Variants in DLG2 observed in about 807,000 individuals in gnomAD.
DLG2 encodes the protein disks large homolog 2.
In DLG2, 45 loss-of-function variants were observed where a neutral mutation model predicts 132.5. The observed-to-expected ratio is 0.34, with a 90% CI of 0.27 to 0.44. The LOEUF (loss-of-function observed/expected upper bound fraction) is 0.44, where lower values mean the gene tolerates loss of function less well. DLG2 is among the 20% of genes least tolerant of loss of function. DLG2 has a pLI of 1.00. For missense variants in DLG2, 1,045 were observed against 1,196.9 expected (o/e 0.87, Z 1.87); for synonymous variants, 424 against 419.6 (o/e 1.01, Z -0.13).
chr11:84,311,196 C>A (rs2098282783), intron 7 of DLG2, among the ~76,000 whole-genome samples: 2 of 152,020 alleles, frequency 1.3e-5, no homozygotes, highest in African/African-American at 4.8e-5. Context: ...AGGAAGACAT[C>A]AAAAAATTCA....
rs533516520 is a variant in DLG2 at position 83,914,828 on chromosome 11, T to C, written c.1496+15500A>G. Among the ~76,000 whole-genome samples, 119 of 152,226 alleles carry C rather than the reference T, an allele frequency of 7.8e-4. 1 individual carries two copies. The highest frequency in any genetic ancestry group is 6.0e-3 in the South Asian group (29 of 4,832). On this transcript the variant is annotated intron_variant, in intron 15 of 27. Transcript: ENST00000376104. ...GCTTCAGAGCATTTGAGGATCGATA[T>C]CCGGTAGGTATGTATGTCTGGAGCC...
intron 21 of DLG2, among the ~76,000 whole-genome samples, chr11:83,531,088 G>A (rs1209571365): frequency 6.6e-6 from 1 of 151,836 alleles, no homozygotes; most frequent in Non-Finnish European, 1.5e-5. Context: ...AAATCTTCAT[G>A]ACTTTCATTA....
At chr11:84,052,163 A>T (rs1038304606) in intron 11 of DLG2, among the ~76,000 whole-genome samples, 2 of 151,964 alleles carry the variant, frequency 1.3e-5, no homozygotes, top group Non-Finnish European at 2.9e-5. Flanking sequence ...GCATTTTCAT[A>T]AAGCATAGAG....
chr11:84,714,599 T>TTTCTCTCTCTCTCTC (rs2060909566), intron 6 of DLG2, among the ~76,000 whole-genome samples: 1 of 83,554 alleles, frequency 1.2e-5, no homozygotes, highest in African/African-American at 6.3e-5. Flanking sequence ...TTCTCTTTCT[T>TTTCTCTCTCTCTCTC]TCTCTTTCTC....
chr11:83,482,150 A>G (rs1367823045), intron 22 of DLG2, among the ~76,000 whole-genome samples: 1 of 152,100 alleles, frequency 6.6e-6, no homozygotes, highest in Admixed American at 6.6e-5. Context: ...AGTACTCTTG[A>G]TCAGATTTTT....
At chr11:85,518,959 C>G (rs2094223119) in intron 3 of DLG2, among the ~76,000 whole-genome samples, 2 of 152,248 alleles carry the variant, frequency 1.3e-5, no homozygotes, top group Non-Finnish European at 2.9e-5. Flanking sequence ...CCTGTGGGTG[C>G]ACAGAAGTCA....
chr11:84,049,975 G>A (rs1173881381), intron 11 of DLG2, among the ~76,000 whole-genome samples: 1 of 151,674 alleles, frequency 6.6e-6, no homozygotes, highest in Non-Finnish European at 1.5e-5. Context: ...AAGGCTTAGA[G>A]GAAGGAAAAT....
intron 3 of DLG2, among the ~76,000 whole-genome samples, chr11:85,563,117 G>A (rs899919923): frequency 6.6e-6 from 1 of 151,714 alleles, no homozygotes; most frequent in Non-Finnish European, 1.5e-5. Flanking sequence ...AGATAGGCAT[G>A]AGTTTATCCC....
chr11:85,515,310 G>A (rs2094150325), intron 3 of DLG2, among the ~76,000 whole-genome samples: 1 of 151,946 alleles, frequency 6.6e-6, no homozygotes, highest in Non-Finnish European at 1.5e-5. Flanking sequence ...GATACTGTGA[G>A]TAGTGGACCT....
At chr11:84,406,956 G>C (rs2098854859) in intron 7 of DLG2, among the ~76,000 whole-genome samples, 1 of 152,156 alleles carries the variant, frequency 6.6e-6, no homozygotes, top group Admixed American at 6.5e-5. Context: ...CTCACAGATA[G>C]GAGAAATCAT....
intron 17 of DLG2, among the ~76,000 whole-genome samples, chr11:83,789,251 T>G (rs1394293406): frequency 6.6e-6 from 1 of 152,214 alleles, no homozygotes; most frequent in African/African-American, 2.4e-5. Flanking sequence ...GTAAATTCTG[T>G]GTTTTATCAC....
At chr11:84,005,032 A>G (rs1482454712) in intron 11 of DLG2, among the ~76,000 whole-genome samples, 1 of 151,510 alleles carries the variant, frequency 6.6e-6, no homozygotes, top group East Asian at 1.9e-4. Context: ...AAACCCCAAA[A>G]CCAAAAACAA....
intron 6 of DLG2, among the ~76,000 whole-genome samples, chr11:84,791,329 C>T (rs2073817190): frequency 1.3e-5 from 2 of 152,160 alleles, no homozygotes; most frequent in South Asian, 4.1e-4. Context: ...CAGTACCGTG[C>T]TATTGTGGTT....
chr11:83,870,690 CT>C (rs953692198), intron 16 of DLG2, among the ~76,000 whole-genome samples: 1 of 151,948 alleles, frequency 6.6e-6, no homozygotes, highest in African/African-American at 2.4e-5. Flanking sequence ...GAAGAAGCTT[CT>C]TTTTTTTGGT....
At chr11:85,473,336 G>A (rs1021207293) in intron 3 of DLG2, among the ~76,000 whole-genome samples, 1 of 152,218 alleles carries the variant, frequency 6.6e-6, no homozygotes, top group South Asian at 2.1e-4. Context: ...GTGTCAAAAT[G>A]TTGGAAAATA....
chr11:85,524,618 G>A (rs1351304901), intron 3 of DLG2, among the ~76,000 whole-genome samples: 5 of 151,872 alleles, frequency 3.3e-5, no homozygotes, highest in African/African-American at 9.7e-5. Flanking sequence ...TCAGCTTCCC[G>A]AGTAGCTGAG....
chr11:85,595,997 A>C (rs1463466849), intron 3 of DLG2, among the ~76,000 whole-genome samples: 1 of 152,152 alleles, frequency 6.6e-6, no homozygotes, highest in African/African-American at 2.4e-5. Context: ...TCAAGCCTAT[A>C]ATCCAAATAC....
At chr11:83,861,538 C>G (rs570675262) in intron 16 of DLG2, among the ~76,000 whole-genome samples, 5 of 151,802 alleles carry the variant, frequency 3.3e-5, no homozygotes, top group Non-Finnish European at 5.9e-5. Context: ...AATGGAGCCA[C>G]AAAAAGAATG....
intron 3 of DLG2, among the ~76,000 whole-genome samples, chr11:85,396,768 TG>T (rs2087419554): frequency 6.6e-6 from 1 of 152,068 alleles, no homozygotes. Flanking sequence ...CCAAGAAATA[TG>T]GGACTACGTG....
Sources: gnomAD v4.1 joint callset for allele counts (sites outside exome capture counted in the v4.1 genomes callset) on GRCh38, gnomAD v4.1.1 for gene constraint, MANE v1.5 for transcripts, NCBI Gene and HGNC (gene_info 2026-07-23, HGNC 2026-07-21) for gene names.